The following WDR82 variants were observed in gnomAD, a reference collection of about 807,000 sequenced individuals.
The protein encoded by WDR82 is WD repeat-containing protein 82.
A neutral mutation model predicts 36.1 loss-of-function variants in WDR82; 8 were observed. That is an observed-to-expected ratio of 0.22 (90% CI 0.13 to 0.40). The LOEUF (loss-of-function observed/expected upper bound fraction) is 0.40. WDR82 is among the 10% of genes least tolerant of loss of function. The probability of loss-of-function intolerance (pLI) is 1.00; values close to 1 mark genes in which losing one functional copy is unlikely to be tolerated. For synonymous variants in WDR82, 129 were observed against 137.8 expected (o/e 0.94, Z 0.45); for missense variants, 185 against 400.5 (o/e 0.46, Z 4.59).
At chr3:52,268,764 T>C (rs1277869105) in intron 2 of WDR82, among the ~76,000 whole-genome samples, 1 of 152,068 alleles carries the variant, frequency 6.6e-6, no homozygotes, top group Non-Finnish European at 1.5e-5. Flanking sequence ...CCGCCCATTC[T>C]GCTCTGAGAT....
intron 3 of WDR82, among the ~76,000 whole-genome samples, chr3:52,265,908 G>A (rs1241657200): frequency 6.6e-6 from 1 of 152,088 alleles, no homozygotes; most frequent in Non-Finnish European, 1.5e-5. Flanking sequence ...GAGGCTCTCA[G>A]GCCATCTCCT....
rs1700228938 is a variant in WDR82, at chr3:52,278,512, TCTTC to T, written c.-155_-152del. Reference sequence around the variant, plus strand: ...CAACAGTTGGGCCGCCTCCTCCTCTTCTTCCTGCTTGGTCGAGGGTCTTCTGCCT... The same window carrying T: ...CAACAGTTGGGCCGCCTCCTCCTCTTCTGCTTGGTCGAGGGTCTTCTGCCT... On this transcript the variant is annotated 5_prime_UTR_variant, in exon 1 of 9. Transcript: ENST00000296490. 1 of 610,110 alleles carries T rather than the reference TCTTC, an allele frequency of 1.6e-6. No homozygotes were observed. Among genetic ancestry groups the T allele is most frequent in the Non-Finnish European group, 2.4e-6 (1 of 421,780 alleles). The allele number at this position is 610,110 out of a possible 1,614,324, so 37.8% of individuals were successfully genotyped here. A position where few individuals can be genotyped will look rare whatever the true frequency, so the allele number is the denominator to read the frequency against.
chr3:52,270,866 A>C, intron 1 of WDR82, 57 bp from the exon 2 acceptor site: 1 of 1,346,134 alleles, frequency 7.4e-7, no homozygotes. Flanking sequence ...AAAATCTGGG[A>C]TCTCCACATA....
rs774892903 is a variant in WDR82 at position 52,259,639 on chromosome 3, C to T, written c.699+78G>A. The T allele has an allele frequency of 1.3e-4, 199 of 1,502,486 alleles. 1 individual carries two copies. The highest frequency in any genetic ancestry group is 1.7e-4 in the Non-Finnish European group (192 of 1,114,142). The allele number at this position is 1,502,486 out of a possible 1,614,324, so 93.1% of individuals were successfully genotyped here. On this transcript the variant is annotated intron_variant, in intron 6 of 8. Transcript: ENST00000296490. ...GTAAGTCAAGAGTAACTGTTGGTCT[C>T]CACCAACCAGCTAACATAATTCTTA...
intron 2 of WDR82, among the ~76,000 whole-genome samples, chr3:52,269,340 T>C (rs1380277652): frequency 1.3e-5 from 2 of 152,074 alleles, no homozygotes; most frequent in Non-Finnish European, 2.9e-5. Flanking sequence ...CCGGGCGTGT[T>C]GGTGGGCACC....
chr3:52,267,075 T>C (rs760210650), intron 2 of WDR82, 57 bp from the exon 3 acceptor site: 4 of 1,386,638 alleles, frequency 2.9e-6, no homozygotes, highest in Non-Finnish European at 4.0e-6. Flanking sequence ...AAATTTACTT[T>C]ACATTTTCAT....
chr3:52,270,863 G>A (rs1200755004), intron 1 of WDR82, 54 bp from the exon 2 acceptor site: 1 of 1,379,276 alleles, frequency 7.3e-7, no homozygotes, highest in Non-Finnish European at 1.0e-6. Context: ...ATCAAAATCT[G>A]GGATCTCCAC....
At position 52,257,169 on chromosome 3, in the gene WDR82, T is replaced by G. The variant is rs1296163194; in HGVS notation, c.*321A>C. On this transcript the variant is annotated 3_prime_UTR_variant, in exon 9 of 9. Coordinates refer to ENST00000296490, the MANE Select transcript of WDR82 (RefSeq NM_025222.4). ...TGACTTCACCGGCTCCTCAGCAGCATGTACATTCAAATTGAAGATGCTTGA... is the reference window on the plus strand; with the variant it reads ...TGACTTCACCGGCTCCTCAGCAGCAGGTACATTCAAATTGAAGATGCTTGA... 2.6e-6 allele frequency: 1 copy of G among 388,048 alleles called. No individual in the cohort carries two copies. Among genetic ancestry groups the G allele is most frequent in the Non-Finnish European group, 4.7e-6 (1 of 210,788 alleles). The allele number at this position is 388,048 out of a possible 1,614,324, so 24.0% of individuals were successfully genotyped here. A position where few individuals can be genotyped will look rare whatever the true frequency, so the allele number is the denominator to read the frequency against.
chr3:52,268,500 G>A, intron 2 of WDR82: 1 of 322,302 alleles, frequency 3.1e-6, no homozygotes, highest in Non-Finnish European at 6.7e-6. Flanking sequence ...CACCACATTT[G>A]GAGAATCCTC....
At chr3:52,276,743 C>G (rs1040448062) in intron 1 of WDR82, among the ~76,000 whole-genome samples, 2 of 152,148 alleles carry the variant, frequency 1.3e-5, no homozygotes, top group African/African-American at 4.8e-5. Context: ...CAGACCAGGA[C>G]AGAAATCCAT....
rs186606819 is a variant in WDR82 at position 52,264,694 on chromosome 3, G to A, written c.326+2258C>T. ...CCAATTAAGGAGATGGAAGCAAGCA[G>A]AAAGAGGAAGGTCTGTTTTGTGAAA... On this transcript the variant is annotated intron_variant, in intron 3 of 8. Transcript: ENST00000296490. 2.5e-4 allele frequency among the ~76,000 whole-genome samples: 38 copies of A among 152,220 alleles called. 1 individual carries two copies. The highest frequency in any genetic ancestry group is 1.6e-3 in the Admixed American group (24 of 15,282).
In WDR82 at chr3:52,257,260, AG is replaced by A. The variant is rs1700017524; in HGVS notation, c.*229del. 3 of 596,922 alleles carry A rather than the reference AG, an allele frequency of 5.0e-6. No individual in the cohort carries two copies. Among genetic ancestry groups the A allele is most frequent in the Non-Finnish European group, 8.8e-6 (3 of 340,188 alleles). 37.0% of individuals were successfully genotyped at this position (596,922 alleles called of 1,614,324 possible). On this transcript the variant is annotated 3_prime_UTR_variant, in exon 9 of 9. Transcript: ENST00000296490. ...AGCAGAGCTTGGTGCAGTGACAGTTAGAAAAGCTGAGTTCCAATTGAGTCTG... is the reference window on the plus strand; with the variant it reads ...AGCAGAGCTTGGTGCAGTGACAGTTAAAAAGCTGAGTTCCAATTGAGTCTG...
chr3:52,257,203 C>T lies in WDR82; in HGVS notation c.*287G>A. On this transcript the variant is annotated 3_prime_UTR_variant, in exon 9 of 9. Transcript: ENST00000296490. The stretch of plus-strand genomic sequence containing the variant: ...AAATTGAAGATGCTTGAGAGCCCCA[C>T]TATACCAAATCGTGAGTCTGGTCAC... 4.0e-6 allele frequency: 2 copies of T among 496,044 alleles called. No individual in the cohort carries two copies. The highest frequency in any genetic ancestry group is 3.6e-5 in the East Asian group (1 of 27,948). The allele number at this position is 496,044 out of a possible 1,614,324, so 30.7% of individuals were successfully genotyped here.
intron 1 of WDR82, among the ~76,000 whole-genome samples, chr3:52,274,347 C>T (rs1222176251): frequency 3.3e-5 from 5 of 151,698 alleles, no homozygotes; most frequent in South Asian, 2.1e-4. Flanking sequence ...GTGAGAGGAT[C>T]GCTTGAGTTC....
At chr3:52,278,053 A>G in intron 1 of WDR82, 148 bp downstream of exon 1, 1 of 646,344 alleles carries the variant, frequency 1.5e-6, no homozygotes, top group Non-Finnish European at 2.3e-6. Context: ...GGTCTCCTGG[A>G]CGGCTGCGGG....
rs1246609868 is a variant in WDR82 at position 52,256,977 on chromosome 3, T to C, written c.*513A>G. On this transcript the variant is annotated 3_prime_UTR_variant, in exon 9 of 9. Coordinates refer to ENST00000296490, the MANE Select transcript of WDR82 (RefSeq NM_025222.4). ...TATATGAAAATGTTTCTGTAAATGT[T>C]TGGCACCTAAGAAACATGATGGTTG... 1.9e-5 allele frequency: 3 copies of C among 154,070 alleles called. No homozygotes were observed. The highest frequency in any genetic ancestry group is 7.2e-5 in the African/African-American group (3 of 41,480). The allele number at this position is 154,070 out of a possible 1,614,324, so 9.5% of individuals were successfully genotyped here.
intron 1 of WDR82, among the ~76,000 whole-genome samples, chr3:52,275,871 G>A (rs572691209): frequency 9.9e-4 from 151 of 152,224 alleles, no homozygotes; most frequent in African/African-American, 3.5e-3. Flanking sequence ...GCGACTGAGC[G>A]AGACTCCATC....
At chr3:52,257,556 G>C in intron 8 of WDR82, 37 bp from the exon 9 acceptor site, 1 of 1,613,950 alleles carries the variant, frequency 6.2e-7, no homozygotes, top group South Asian at 1.1e-5. Context: ...AAAAAGCCAA[G>C]CATCTCCTCA....
chr3:52,269,402 G>T (rs1238303165), intron 2 of WDR82, among the ~76,000 whole-genome samples: 1 of 152,194 alleles, frequency 6.6e-6, no homozygotes, highest in Non-Finnish European at 1.5e-5. Flanking sequence ...TTGAACCCAG[G>T]AGGCTGAGAT....
Sources: allele counts gnomAD v4.1 joint callset (sites outside exome capture counted in the v4.1 genomes callset), GRCh38; gene constraint gnomAD v4.1.1; transcripts MANE v1.5; gene names NCBI Gene and HGNC (gene_info 2026-07-23, HGNC 2026-07-21).